The following KCNH2 variants were observed in gnomAD, a reference collection of about 807,000 sequenced individuals.
The protein encoded by KCNH2 is potassium voltage-gated channel subfamily H member 2.
In KCNH2, 35 loss-of-function variants were observed where a neutral mutation model predicts 95.9. That is an observed-to-expected ratio of 0.37 (90% CI 0.28 to 0.48). KCNH2 has a LOEUF of 0.48. Ranked by LOEUF, KCNH2 falls within the 20% of genes least tolerant of loss-of-function variation. The pLI is 0.99. For missense variants in KCNH2, 1,274 were observed against 1,702.9 expected, an observed-to-expected ratio of 0.75 and a Z score of 4.43; for synonymous variants, 786 against 754.7, an observed-to-expected ratio of 1.04 and a Z score of -0.68.
intron 5 of KCNH2, among the ~76,000 whole-genome samples, chr7:150,956,539 G>C (rs1177236747): frequency 6.6e-6 from 1 of 152,162 alleles, no homozygotes; most frequent in Non-Finnish European, 1.5e-5. Flanking sequence ...AAGGTGTCGG[G>C]TGGATGAAGC....
chr7:150,967,643 G>A lies in KCNH2; in HGVS notation c.307+7068C>T, dbSNP rs191623696. Among the ~76,000 whole-genome samples the A allele has an allele frequency of 9.2e-4, 140 of 152,340 alleles. 1 individual carries two copies. The highest frequency in any genetic ancestry group is 1.8e-3 in the Non-Finnish European group (120 of 68,044). On this transcript the variant is annotated intron_variant, in intron 2 of 14. Transcript: ENST00000262186. ...GACACCACATACGGGGTAGTCTCAG[G>A]ATAGATTATAGACCTAACTGAGAAC... is the stretch of plus-strand genomic sequence containing the variant.
Position 150,945,457 on chromosome 7 carries a change from C to T in KCNH2, c.3388G>A (p.Glu1130Lys). The change falls in exon 15 of 15, where the codon GAA (glutamate) becomes AAA (lysine). Residue 1130 changes from glutamate to lysine, a missense_variant. Physicochemically the swap from Glu to Lys is moderately conservative, Grantham distance 56. Transcript: ENST00000262186. The surrounding 1 kb of genome is among the most constrained non-coding windows in gnomAD (Gnocchi z 5.6). ...AGGGAGAGGCGTCGTGTGGGGCCTT[C>T]TTGGGGAAGCTCTGGGGCCCCCGGG... is the stretch of plus-strand genomic sequence containing the variant. The part of the protein sequence containing the change: ...LPPGAPELPQ[E>K]GPTRRLSLPG... 2 of 1,559,828 alleles carry T rather than the reference C, an allele frequency of 1.3e-6. No individual in the cohort carries two copies. The highest frequency in any genetic ancestry group is 1.7e-6 in the Non-Finnish European group (2 of 1,152,482).
Position 150,958,299 on chromosome 7 carries a change from C to T in KCNH2, c.676G>A (p.Gly226Arg). 6.8e-7 allele frequency: 1 copy of T among 1,474,280 alleles called. No individual in the cohort carries two copies. The allele number at this position is 1,474,280 out of a possible 1,614,324, so 91.3% of individuals were successfully genotyped here. Residue 226 changes from glycine to arginine, a missense_variant, in exon 4 of 15, where the codon GGG becomes AGG. Gly to Arg is a moderately radical substitution (Grantham distance 125, BLOSUM62 -2). Transcript: ENST00000262186. ...TAMDNHVAGLGPAEERRALVG... is the reference protein window; with the variant it reads ...TAMDNHVAGLRPAEERRALVG... ...AGCGCACGCCGCTCCTCCGCGGGCC[C>T]GAGCCCTGCCACGTGGTTGTCCATG...
intron 5 of KCNH2, chr7:150,955,667 C>A: frequency 7.1e-7 from 1 of 1,403,960 alleles, no homozygotes; most frequent in Middle Eastern, 2.6e-4. Context: ...TGTGGCTGGG[C>A]CCCAGGGCTG....
At position 150,966,381 on chromosome 7, in the gene KCNH2, TCC is replaced by T. The variant is rs1175607435; in HGVS notation, c.308-6647_308-6646del. Reference sequence around the variant, plus strand: ...TATAATTCCTCATTGATTTGCCCCCTCCCCCCCCCCCACACACACACACACAC... The same window carrying T: ...TATAATTCCTCATTGATTTGCCCCCTCCCCCCCCCACACACACACACACAC... On this transcript the variant is annotated intron_variant, in intron 2 of 14. Coordinates refer to ENST00000262186, the MANE Select transcript of KCNH2 (RefSeq NM_000238.4). Among the ~76,000 whole-genome samples the T allele has an allele frequency of 2.7e-4, 10 of 36,950 alleles. 1 individual carries two copies. Among genetic ancestry groups the T allele is most frequent in the Non-Finnish European group, 3.4e-4 (7 of 20,838 alleles). 24.2% of individuals were successfully genotyped at this position (36,950 alleles called of 152,430 possible). A position where few individuals can be genotyped will look rare whatever the true frequency, so the allele number is the denominator to read the frequency against.
At chr7:150,955,879 G>T in intron 5 of KCNH2, 1 of 864,830 alleles carries the variant, frequency 1.2e-6, no homozygotes, top group East Asian at 1.6e-4. Flanking sequence ...AGGCTCCCCC[G>T]CCCCGCCGGT....
chr7:150,952,373 A>G lies in KCNH2; in HGVS notation c.1557+52T>C. 1.3e-6 allele frequency: 2 copies of G among 1,566,028 alleles called. No individual in the cohort carries two copies. Among genetic ancestry groups the G allele is most frequent in the Non-Finnish European group, 1.7e-6 (2 of 1,145,702 alleles). On this transcript the variant is annotated intron_variant, in intron 6 of 14. Coordinates refer to ENST00000262186, the MANE Select transcript of KCNH2 (RefSeq NM_000238.4). This position sits in a 1 kb window ranked among gnomAD's most constrained non-coding sequence, Gnocchi z 7.3. ...CCCCTCCACCCCACTACCTCCCACC[A>G]CATTCCTGGCCTCTCCTCTCCCTAC...
rs185418942 is a variant in KCNH2 at position 150,966,781 on chromosome 7, C to T, written c.308-7045G>A. On this transcript the variant is annotated intron_variant, in intron 2 of 14. Transcript: ENST00000262186. ...GAAGGCACAAGAACCCTGTTGGAGT[C>T]GGGGCAAAAGGGAACAAAACCTTAA... Among the ~76,000 whole-genome samples the T allele has an allele frequency of 5.1e-4, 77 of 152,248 alleles. 1 individual carries two copies. The highest frequency in any genetic ancestry group is 1.6e-3 in the African/African-American group (67 of 41,544).
chr7:150,974,611 G>GGCC, intron 2 of KCNH2, 100 bp downstream of exon 2: 1 of 795,738 alleles, frequency 1.3e-6, no homozygotes, highest in Non-Finnish European at 1.9e-6. Context: ...TTCTCCAGCC[G>GGCC]CCCCCACACC....
At chr7:150,965,794 G>A (rs1391764516) in intron 2 of KCNH2, among the ~76,000 whole-genome samples, 2 of 152,224 alleles carry the variant, frequency 1.3e-5, no homozygotes, top group Admixed American at 6.5e-5. Context: ...AGTTGCAGAA[G>A]AACTGAGGGT....
intron 13 of KCNH2, 76 bp from the exon 14 acceptor site, chr7:150,947,130 A>T: frequency 3.4e-6 from 1 of 295,290 alleles, no homozygotes; most frequent in East Asian, 7.9e-5. Flanking sequence ...GGGAAGGGGA[A>T]GGGGAGGGGG....
Position 150,948,451 on chromosome 7 carries a change from C to G in KCNH2, c.2685G>C (p.Thr895=). ...TCCCCTCCCCCGCCTCACCCTTGTC[C>G]GTGCGCCTGCGGAAGGACAACTTGC... ...RKRKLSFRRR[T]DKDTEQPGEV... Residue 895 remains threonine, a synonymous_variant, in exon 11 of 15, where the codon ACG becomes ACC. Transcript: ENST00000262186. The G allele has an allele frequency of 6.2e-7, 1 of 1,601,448 alleles. No homozygotes were observed. The highest frequency in any genetic ancestry group is 8.5e-7 in the Non-Finnish European group (1 of 1,175,798).
Position 150,947,399 on chromosome 7 carries a change from G to A in KCNH2, c.3081C>T (p.Leu1027=), listed in dbSNP as rs1438907234. Residue 1027 remains leucine, a synonymous_variant, in exon 13 of 15, where the codon CTC becomes CTT. Transcript: ENST00000262186. ...CCCGGGGCCGCCGACCCGGGCTGGA[G>A]AGGGGGATGTTGAGGAGGCTGGGGG... The part of the protein sequence containing the change: ...APTPSLLNIP[L]SSPGRRPRGD... The A allele has an allele frequency of 1.1e-5, 17 of 1,551,428 alleles. No individual in the cohort carries two copies. Among genetic ancestry groups the A allele is most frequent in the South Asian group, 2.4e-5 (2 of 84,186 alleles).
Position 150,951,623 on chromosome 7 carries a change from G to A in KCNH2, c.1770C>T (p.Gly590=), listed in dbSNP as rs369187892. 3.8e-5 allele frequency: 61 copies of A among 1,614,218 alleles called. No homozygotes were observed. The highest frequency in any genetic ancestry group is 1.8e-4 in the South Asian group (16 of 91,090). The part of the protein sequence containing the change: ...DSRIGWLHNL[G]DQIGKPYNSS... ...TGTTGTAGGGTTTGCCTATCTGGTC[G>A]CCCAGGTTGTGCAGCCAGCCGATGC... Residue 590 remains glycine, a synonymous_variant, in exon 7 of 15, where the codon GGC becomes GGT. Coordinates refer to ENST00000262186, the MANE Select transcript of KCNH2 (RefSeq NM_000238.4).
rs1309776386 is a variant in KCNH2, at chr7:150,974,916, A to G, written c.102T>C (p.Ala34=). The G allele has an allele frequency of 3.1e-6, 5 of 1,608,736 alleles. No homozygotes were observed. Among genetic ancestry groups the G allele is most frequent in the Non-Finnish European group, 4.2e-6 (5 of 1,178,348 alleles). The change falls in exon 2 of 15, where the codon GCT becomes GCC. Residue 34 remains alanine (A), a synonymous_variant. Coordinates refer to ENST00000262186, the MANE Select transcript of KCNH2 (RefSeq NM_000238.4). ...AGATGACGGCGCAGTTCTCCACCCG[A>G]GCGTTGGCGATGATGAACTTACGGC... ...GQSRKFIIAN[A]RVENCAVIYC...
At position 150,954,378 on chromosome 7, in the gene KCNH2, G is replaced by A. The variant is rs73727465; in HGVS notation, c.1129-1525C>T. Among the ~76,000 whole-genome samples the A allele has an allele frequency of 3.4e-3, 524 of 152,312 alleles. 9 individuals carry two copies. Among genetic ancestry groups the A allele is most frequent in the African/African-American group, 0.012 (499 of 41,562 alleles). On this transcript the variant is annotated intron_variant, in intron 5 of 14. Coordinates refer to ENST00000262186, the MANE Select transcript of KCNH2 (RefSeq NM_000238.4). ...TGTGCCTGAGAGGTCAAGCCTCTGG[G>A]CGGAGGTGTCAGGACCACCCCTAAC...
chr7:150,966,847 C>T (rs1039679283), intron 2 of KCNH2, among the ~76,000 whole-genome samples: 41 of 151,276 alleles, frequency 2.7e-4, no homozygotes, highest in African/African-American at 1.0e-3. Flanking sequence ...AATGGAGAGA[C>T]AATCCAGGCT....
intron 3 of KCNH2, 34 bp from the exon 4 acceptor site, chr7:150,958,536 T>TCGCGAGCAG (rs1173213072): frequency 2.1e-6 from 3 of 1,460,744 alleles, no homozygotes; most frequent in Non-Finnish European, 2.7e-6. Flanking sequence ...GTCGTGGGGA[T>TCGCGAGCAG]CGCGAGCAGC....
At chr7:150,971,151 AC>A (rs1221915486) in intron 2 of KCNH2, among the ~76,000 whole-genome samples, 1 of 152,140 alleles carries the variant, frequency 6.6e-6, no homozygotes, top group African/African-American at 2.4e-5. Context: ...GCCTTGGGGG[AC>A]GGAGAAGGGC....
Sources: gnomAD v4.1 joint callset for allele counts (sites outside exome capture counted in the v4.1 genomes callset) on GRCh38, gnomAD v4.1.1 for gene constraint, Gnocchi (gnomAD v3.1) non-coding constraint, MANE v1.5 for transcripts, NCBI Gene and HGNC (gene_info 2026-07-23, HGNC 2026-07-21) for gene names.